The following ESR1 variants were observed in gnomAD, a reference collection of about 807,000 sequenced individuals.
ESR1 encodes the protein estrogen receptor 1, also known as estrogen receptor.
Under a neutral mutation model 52.7 loss-of-function variants are expected in ESR1, and 12 were observed. The observed-to-expected ratio is 0.23, with a 90% confidence interval of 0.15 to 0.37. The LOEUF is 0.37. Ranked by LOEUF, ESR1 falls within the 10% of genes least tolerant of loss-of-function variation. The pLI, the probability that ESR1 is intolerant of heterozygous loss-of-function variation, is 1.00. For missense variants in ESR1, 584 were observed against 779.7 expected, an observed-to-expected ratio of 0.75 and a Z score of 2.99; for synonymous variants, 305 against 316.8, an observed-to-expected ratio of 0.96 and a Z score of 0.39.
rs572451269 is a variant in ESR1, at chr6:151,880,798, T to A, written c.760+27T>A. On this transcript the variant is annotated intron_variant, in intron 3 of 7. Coordinates refer to ENST00000206249, the MANE Select transcript of ESR1 (RefSeq NM_000125.4). ...TAGGTACATCTCTCCCAGGGGCCCT[T>A]GGGGATGGCCCTGGCCACCGCCCAG... The A allele has an allele frequency of 7.3e-6, 9 of 1,228,480 alleles. No individual in the cohort carries two copies. The African/African-American group carries it at 1.2e-4, about 16-fold the overall frequency. The allele number at this position is 1,228,480 out of a possible 1,614,324, so 76.1% of individuals were successfully genotyped here.
intron 1 of ESR1, among the ~76,000 whole-genome samples, chr6:151,841,912 T>A (rs1056897090): frequency 2.0e-5 from 3 of 151,982 alleles, no homozygotes; most frequent in Non-Finnish European, 2.9e-5. Context: ...AGAGATGGAG[T>A]CTTGCTATAT....
intron 1 of ESR1, among the ~76,000 whole-genome samples, chr6:151,823,864 T>C (rs1055795423): frequency 1.3e-5 from 2 of 152,222 alleles, no homozygotes; most frequent in Non-Finnish European, 2.9e-5. Context: ...CTTAATCCAG[T>C]CTATCATTGA....
intron 4 of ESR1, among the ~76,000 whole-genome samples, chr6:151,994,265 A>G (rs928877153): frequency 2.0e-5 from 3 of 152,158 alleles, no homozygotes; most frequent in Non-Finnish European, 4.4e-5. Context: ...AGTGGACTGC[A>G]CTATACAACT....
intron 3 of ESR1, among the ~76,000 whole-genome samples, chr6:151,890,630 A>G: frequency 6.6e-6 from 1 of 152,130 alleles, no homozygotes; most frequent in East Asian, 1.9e-4. Context: ...TCCCTTTCAT[A>G]TCAATTAATA....
rs559923469 is a variant in ESR1, at chr6:152,031,513, CT to C, written c.1235+19720del. Among the ~76,000 whole-genome samples the C allele has an allele frequency of 3.2e-3, 490 of 152,312 alleles. 1 individual carries two copies. The highest frequency in any genetic ancestry group is 0.011 in the African/African-American group (459 of 41,580). ...CCATCAGAGAATACTATAAACACCT[CT>C]ACACAAATAAACTAGAACATCTAGA... On this transcript the variant is annotated intron_variant, in intron 5 of 7. Coordinates refer to ENST00000206249, the MANE Select transcript of ESR1 (RefSeq NM_000125.4).
intron 2 of ESR1, among the ~76,000 whole-genome samples, chr6:151,769,901 G>A (rs1273908661): frequency 6.6e-5 from 10 of 152,076 alleles, no homozygotes; most frequent in African/African-American, 1.9e-4. Context: ...GGTGGCACGC[G>A]TCTGCAGTCC....
At chr6:151,686,512 C>T (rs560935278), upstream of ESR1, among the ~76,000 whole-genome samples, 5 of 152,252 alleles carry the variant, frequency 3.3e-5, no homozygotes, top group East Asian at 1.9e-4. Flanking sequence ...GGTGAAACCC[C>T]GTCTCTACTA....
At chr6:151,878,592 A>C (rs1792254014) in intron 2 of ESR1, among the ~76,000 whole-genome samples, 2 of 152,218 alleles carry the variant, frequency 1.3e-5, no homozygotes, top group Admixed American at 1.3e-4. Flanking sequence ...CTCTGTAGTT[A>C]AAACATTTCA....
At chr6:151,898,384 A>ATT (rs371510396) in intron 3 of ESR1, among the ~76,000 whole-genome samples, 1 of 101,216 alleles carries the variant, frequency 9.9e-6, no homozygotes, top group Non-Finnish European at 2.2e-5. Flanking sequence ...GGTTTTGTTC[A>ATT]TTTTTTTTTT....
At chr6:152,025,299 G>A (rs1012100269) in intron 5 of ESR1, among the ~76,000 whole-genome samples, 2 of 149,988 alleles carry the variant, frequency 1.3e-5, no homozygotes, top group Non-Finnish European at 3.0e-5. Context: ...GAAGGTGTAA[G>A]TAGAATTGGA....
At chr6:151,692,054 GAGT>G (rs1778987780) in intron 1 of ESR1, among the ~76,000 whole-genome samples, 1 of 152,152 alleles carries the variant, frequency 6.6e-6, no homozygotes, top group South Asian at 2.1e-4. Context: ...TCGTATTTAC[GAGT>G]AGAAGATTTT....
intron 3 of ESR1, among the ~76,000 whole-genome samples, chr6:151,890,195 A>G (rs1367106747): frequency 1.3e-5 from 2 of 150,948 alleles, no homozygotes; most frequent in South Asian, 2.1e-4. Context: ...AGCTATTCTC[A>G]TACCTCAGCC....
chr6:152,065,554 C>T (rs917110758), intron 6 of ESR1, among the ~76,000 whole-genome samples: 1 of 152,210 alleles, frequency 6.6e-6, no homozygotes, highest in Non-Finnish European at 1.5e-5. Context: ...CTAAACCGCT[C>T]TTAACCACAG....
chr6:152,114,662 C>T (rs1033075669), intron 6 of ESR1, among the ~76,000 whole-genome samples: 2 of 151,812 alleles, frequency 1.3e-5, no homozygotes, highest in South Asian at 2.1e-4. Flanking sequence ...GAGGCCGAGG[C>T]GGGCGGATCA....
At chr6:152,124,342 A>G (rs1009007312) in intron 6 of ESR1, among the ~76,000 whole-genome samples, 1 of 152,202 alleles carries the variant, frequency 6.6e-6, no homozygotes, top group Non-Finnish European at 1.5e-5. Flanking sequence ...AAACCCCAAG[A>G]AACAGGCAGC....
intron 2 of ESR1, among the ~76,000 whole-genome samples, chr6:151,870,842 G>T (rs970962152): frequency 1.3e-5 from 2 of 151,662 alleles, no homozygotes; most frequent in Non-Finnish European, 2.9e-5. Flanking sequence ...TACATCTTCA[G>T]CTTCTTCTTC....
At chr6:151,781,961 AAAT>A (rs1786585129) in intron 2 of ESR1, among the ~76,000 whole-genome samples, 2 of 152,198 alleles carry the variant, frequency 1.3e-5, no homozygotes, top group African/African-American at 4.8e-5. Context: ...AGTACTGAGG[AAAT>A]AATAACTAAA....
intron 4 of ESR1, among the ~76,000 whole-genome samples, chr6:151,964,960 C>T (rs557042312): frequency 6.6e-5 from 10 of 152,088 alleles, no homozygotes; most frequent in South Asian, 2.1e-4. Context: ...CTTAATCACG[C>T]GATATATACA....
intron 2 of ESR1, among the ~76,000 whole-genome samples, chr6:151,717,700 A>C (rs577494407): frequency 6.1e-4 from 93 of 152,284 alleles, no homozygotes; most frequent in African/African-American, 2.1e-3. Flanking sequence ...TGCTTCTTCC[A>C]CTTTTTTATA....
Sources: gnomAD v4.1 joint callset for allele counts (sites outside exome capture counted in the v4.1 genomes callset) on GRCh38, gnomAD v4.1.1 for gene constraint, MANE v1.5 for transcripts, NCBI Gene and HGNC (gene_info 2026-07-23, HGNC 2026-07-21) for gene names.